Variants in GPC5 observed in about 807,000 individuals in gnomAD.
GPC5 encodes the protein glypican 5.
In GPC5, 47 loss-of-function variants were observed where a neutral mutation model predicts 53.9. The ratio of observed to expected loss-of-function variants is 0.87; its 90% confidence interval spans 0.69 to 1.11. The LOEUF is 1.11. Ranked by LOEUF, GPC5 falls within the 50% of genes most tolerant of loss-of-function variation. GPC5 has a pLI of 0.00. For synonymous variants in GPC5, 286 were observed against 263.3 expected (o/e 1.09, Z -0.84); for missense variants, 748 against 713.1 (o/e 1.05, Z -0.56).
At chr13:92,522,634 G>C (rs1055047167) in intron 7 of GPC5, among the ~76,000 whole-genome samples, 17 of 152,176 alleles carry the variant, frequency 1.1e-4, no homozygotes, top group African/African-American at 3.4e-4. Flanking sequence ...GGGGGAAGGG[G>C]AGAGGGAAAG....
rs548399893 is a variant in GPC5, at chr13:92,154,603, G to C, written c.1561+9614G>C. Among the ~76,000 whole-genome samples the C allele has an allele frequency of 2.5e-4, 38 of 152,178 alleles. 1 individual carries two copies. Among genetic ancestry groups the C allele is most frequent in the Admixed American group, 2.5e-3 (38 of 15,280 alleles). On this transcript the variant is annotated intron_variant, in intron 7 of 7. Coordinates refer to ENST00000377067, the MANE Select transcript of GPC5 (RefSeq NM_004466.6). ...ATTTGTAATTCTTATTTTTACTGAA[G>C]TTCTTACTGTCTCACATTTTGCCAG...
At chr13:92,416,759 G>T (rs1041091274) in intron 7 of GPC5, among the ~76,000 whole-genome samples, 15 of 152,026 alleles carry the variant, frequency 9.9e-5, no homozygotes, top group Non-Finnish European at 2.2e-4. Flanking sequence ...TGCTTCAAAG[G>T]ATACCATCAA....
chr13:91,515,336 A>G (rs371440606), intron 2 of GPC5, among the ~76,000 whole-genome samples: 64 of 152,058 alleles, frequency 4.2e-4, no homozygotes, highest in African/African-American at 1.5e-3. Context: ...CTAAATGTAC[A>G]TTTTTTTTGA....
At chr13:91,699,116 G>T (rs575897567) in intron 3 of GPC5, among the ~76,000 whole-genome samples, 1 of 152,188 alleles carries the variant, frequency 6.6e-6, no homozygotes, top group Non-Finnish European at 1.5e-5. Flanking sequence ...ATTAATGTTG[G>T]ATATGTAGAG....
At chr13:91,768,658 T>A (rs2037567528) in intron 5 of GPC5, among the ~76,000 whole-genome samples, 2 of 152,202 alleles carry the variant, frequency 1.3e-5, no homozygotes, top group East Asian at 1.9e-4. Context: ...TCTAGACCTT[T>A]TTAGTTATAT....
At position 91,540,606 on chromosome 13, in the gene GPC5, A is replaced by G. The variant is rs76749744; in HGVS notation, c.325+91684A>G. On this transcript the variant is annotated intron_variant, in intron 2 of 7. Coordinates refer to ENST00000377067, the MANE Select transcript of GPC5 (RefSeq NM_004466.6). ...TGCACAATTGAAATGGGTGAATTGT[A>G]TGGCATGTGAATTATACTTCAATAA... Among the ~76,000 whole-genome samples the G allele has an allele frequency of 2.2e-3, 341 of 152,332 alleles. 2 individuals are homozygous for G. The highest frequency in any genetic ancestry group is 7.9e-3 in the African/African-American group (329 of 41,588).
intron 5 of GPC5, among the ~76,000 whole-genome samples, chr13:91,800,121 C>T (rs1314510867): frequency 1.5e-5 from 2 of 131,554 alleles, no homozygotes; most frequent in Non-Finnish European, 3.2e-5. Flanking sequence ...ACATTTTAAG[C>T]TCTGATTTAT....
chr13:91,570,701 A>G (rs1236066343), intron 2 of GPC5, among the ~76,000 whole-genome samples: 2 of 152,148 alleles, frequency 1.3e-5, no homozygotes, highest in Non-Finnish European at 2.9e-5. Context: ...AAGTTCCTGT[A>G]ATGTATGATT....
At chr13:92,028,531 A>G (rs1442576076) in intron 6 of GPC5, among the ~76,000 whole-genome samples, 1 of 152,192 alleles carries the variant, frequency 6.6e-6, no homozygotes, top group Non-Finnish European at 1.5e-5. Flanking sequence ...CCTCTGAAAA[A>G]GAATCTAAAA....
chr13:92,038,673 TATAGATAGATAG>T (rs56923365), intron 6 of GPC5, among the ~76,000 whole-genome samples: 5,782 of 147,884 alleles, frequency 0.039, 142 homozygotes, highest in South Asian at 0.096. Flanking sequence ...TACAAATCTA[TATAGATAGATAG>T]ATAGATAGAT....
At chr13:91,631,391 C>G (rs1265375506) in intron 2 of GPC5, among the ~76,000 whole-genome samples, 1 of 152,072 alleles carries the variant, frequency 6.6e-6, no homozygotes, top group Non-Finnish European at 1.5e-5. Context: ...TTAAAAATCA[C>G]TAGCCATTTG....
intron 6 of GPC5, among the ~76,000 whole-genome samples, chr13:92,138,640 C>T (rs927816720): frequency 2.6e-5 from 4 of 152,038 alleles, no homozygotes; most frequent in African/African-American, 4.8e-5. Flanking sequence ...TATATGGAAA[C>T]CCTTTGTTGT....
At chr13:91,443,270 C>T (rs1880564921) in intron 1 of GPC5, among the ~76,000 whole-genome samples, 1 of 152,072 alleles carries the variant, frequency 6.6e-6, no homozygotes. Flanking sequence ...AGGGTAGGAC[C>T]TTAATCCAAC....
In GPC5 at chr13:91,782,974, T is replaced by C. The variant is rs532037152; in HGVS notation, c.1280+26554T>C. Among the ~76,000 whole-genome samples the C allele has an allele frequency of 2.9e-4, 44 of 152,176 alleles. 1 individual carries two copies. Among genetic ancestry groups the C allele is most frequent in the Admixed American group, 2.4e-3 (36 of 15,276 alleles). On this transcript the variant is annotated intron_variant, in intron 5 of 7. Transcript: ENST00000377067. ...AAAGTTTTTTTCCTAACATTTATTCTGTTTGTGGCATTGATTTTGAAAAAA... is the reference window on the plus strand; with the variant it reads ...AAAGTTTTTTTCCTAACATTTATTCCGTTTGTGGCATTGATTTTGAAAAAA...
chr13:92,102,741 T>C (rs2041477221), intron 6 of GPC5, among the ~76,000 whole-genome samples: 1 of 152,190 alleles, frequency 6.6e-6, no homozygotes, highest in Admixed American at 6.5e-5. Flanking sequence ...TATATGTAGA[T>C]GTTAGTGTAG....
chr13:92,633,341 A>C (rs902940425), intron 7 of GPC5, among the ~76,000 whole-genome samples: 6 of 147,388 alleles, frequency 4.1e-5, no homozygotes, highest in Admixed American at 1.4e-4. Flanking sequence ...CTCTTTGATA[A>C]AAAGTTAAGA....
At chr13:91,583,150 G>A (rs1269213308) in intron 2 of GPC5, among the ~76,000 whole-genome samples, 2 of 152,122 alleles carry the variant, frequency 1.3e-5, no homozygotes, top group African/African-American at 4.8e-5. Flanking sequence ...CTCTCTTAGA[G>A]TGGAAAGGAG....
chr13:92,244,643 C>T (rs1404515605), intron 7 of GPC5, among the ~76,000 whole-genome samples: 1 of 152,098 alleles, frequency 6.6e-6, no homozygotes, highest in African/African-American at 2.4e-5. Context: ...TTTTTGTACT[C>T]CCAAACCACT....
At chr13:91,568,643 A>G (rs2031644862) in intron 2 of GPC5, among the ~76,000 whole-genome samples, 1 of 151,784 alleles carries the variant, frequency 6.6e-6, no homozygotes, top group African/African-American at 2.4e-5. Flanking sequence ...TTTTGTCTTT[A>G]AAATTGTCTA....
Sources: allele counts gnomAD v4.1 joint callset (sites outside exome capture counted in the v4.1 genomes callset), GRCh38; gene constraint gnomAD v4.1.1; transcripts MANE v1.5; gene names NCBI Gene and HGNC (gene_info 2026-07-23, HGNC 2026-07-21).